The following CNTLN variants were observed in gnomAD, a reference collection of about 807,000 sequenced individuals.
The protein encoded by CNTLN is centlein, centrosomal protein.
Under a neutral mutation model 180.0 loss-of-function variants are expected in CNTLN, and 212 were observed. The ratio of observed to expected loss-of-function variants is 1.18; its 90% CI spans 1.05 to 1.32. CNTLN has a LOEUF of 1.32. Among genes scored for constraint, CNTLN ranks in the 40% most tolerant of loss-of-function variants. The pLI, the probability that CNTLN is intolerant of heterozygous loss-of-function variation, is 0.00. For synonymous variants in CNTLN, 722 were observed against 563.1 expected (o/e 1.28, Z -3.99); for missense variants, 2,095 against 1,610.9 (o/e 1.30, Z -5.14).
chr9:17,298,709 C>T (rs1397630818), intron 7 of CNTLN: 1 of 995,168 alleles, frequency 1.0e-6, no homozygotes, highest in Admixed American at 6.0e-5. Flanking sequence ...TCAAGTATGG[C>T]AGACTTTCAT....
chr9:17,146,961 TA>T (rs1462801574), intron 2 of CNTLN, among the ~76,000 whole-genome samples: 2 of 152,060 alleles, frequency 1.3e-5, no homozygotes, highest in African/African-American at 2.4e-5. Flanking sequence ...TGTTTTAAAT[TA>T]AAAAAAATTT....
intron 12 of CNTLN, among the ~76,000 whole-genome samples, chr9:17,354,453 A>G (rs1822648862): frequency 6.6e-6 from 1 of 152,056 alleles, no homozygotes; most frequent in Admixed American, 6.5e-5. Flanking sequence ...GATTGTAAAT[A>G]TACACCAATC....
At chr9:17,172,273 G>A (rs1820468645) in intron 2 of CNTLN, among the ~76,000 whole-genome samples, 1 of 152,144 alleles carries the variant, frequency 6.6e-6, no homozygotes. Flanking sequence ...AAGCTCCTTA[G>A]CAGTAATGGC....
chr9:17,193,528 C>A (rs909913496), intron 2 of CNTLN, among the ~76,000 whole-genome samples: 2 of 152,176 alleles, frequency 1.3e-5, no homozygotes, highest in African/African-American at 2.4e-5. Context: ...TGTCCTTTGA[C>A]TCCAGGTCTC....
chr9:17,332,581 C>G (rs1325396323), intron 9 of CNTLN, 24 bp from the exon 10 acceptor site: 1 of 1,591,376 alleles, frequency 6.3e-7, no homozygotes, highest in African/African-American at 1.4e-5. Context: ...ACTAGTTCAA[C>G]CATGTCCTTG....
chr9:17,361,979 C>A (rs906831273), intron 12 of CNTLN, among the ~76,000 whole-genome samples: 1 of 152,172 alleles, frequency 6.6e-6, no homozygotes, highest in East Asian at 1.9e-4. Flanking sequence ...AGTACCAGGG[C>A]TCTGCCTCTG....
chr9:17,420,743 G>A (rs1828654767), intron 18 of CNTLN, among the ~76,000 whole-genome samples: 2 of 151,802 alleles, frequency 1.3e-5, no homozygotes, highest in Admixed American at 1.3e-4. Flanking sequence ...ATAGGTCTTG[G>A]TATGTTGTGC....
chr9:17,312,926 T>G (rs1819306039), intron 8 of CNTLN, among the ~76,000 whole-genome samples: 2 of 152,186 alleles, frequency 1.3e-5, no homozygotes, highest in Admixed American at 1.3e-4. Flanking sequence ...AGTGTTAAAA[T>G]CTCTCACATA....
rs138999454 is a variant in CNTLN at position 17,158,282 on chromosome 9, C to T, written c.449+14906C>T. On this transcript the variant is annotated intron_variant, in intron 2 of 25. Coordinates refer to ENST00000380647, the MANE Select transcript of CNTLN (RefSeq NM_017738.4). ...GGTATATAATTTTTTTATATGTTCC[C>T]GAATTTGGCTTGCTGGTATGTTGCT... Among the ~76,000 whole-genome samples, 766 of 152,040 alleles carry T rather than the reference C, an allele frequency of 5.0e-3. 9 individuals carry two copies. Among genetic ancestry groups the T allele is most frequent in the African/African-American group, 0.01 (431 of 41,492 alleles).
intron 6 of CNTLN, among the ~76,000 whole-genome samples, chr9:17,296,016 G>C (rs1817900102): frequency 7.4e-6 from 1 of 134,872 alleles, no homozygotes; most frequent in Non-Finnish European, 1.5e-5. Context: ...GTGTGTGTGT[G>C]TGTGTGTGTG....
chr9:17,248,028 G>A lies in CNTLN; in HGVS notation c.849+11440G>A, dbSNP rs563030485. 3.3e-5 allele frequency among the ~76,000 whole-genome samples: 5 copies of A among 151,954 alleles called. No individual in the cohort carries two copies. The South Asian group carries it at 1.0e-3, about 32-fold the overall frequency. On this transcript the variant is annotated intron_variant, in intron 5 of 25. Transcript: ENST00000380647. ...TGTAGAGACAGGGTTTTGCCATGTT[G>A]CTTTGGCTGGTCTCGAACTCCTTAG... is the stretch of plus-strand genomic sequence containing the variant.
chr9:17,205,560 G>A (rs1822856669), intron 2 of CNTLN, among the ~76,000 whole-genome samples: 1 of 152,156 alleles, frequency 6.6e-6, no homozygotes, highest in African/African-American at 2.4e-5. Flanking sequence ...AAACACACCA[G>A]TTCTGATGAA....
At chr9:17,431,132 GTT>G (rs933629756) in intron 18 of CNTLN, among the ~76,000 whole-genome samples, 1 of 151,988 alleles carries the variant, frequency 6.6e-6, no homozygotes. Context: ...ACTCCATACT[GTT>G]TTCCATAGTG....
chr9:17,341,016 G>A (rs1396805063), intron 11 of CNTLN, 68 bp downstream of exon 11: 2 of 1,362,466 alleles, frequency 1.5e-6, no homozygotes, highest in Non-Finnish European at 1.9e-6. Flanking sequence ...TTATATAGGT[G>A]TCTTAATGGC....
chr9:17,254,486 G>A (rs770751258), intron 5 of CNTLN, among the ~76,000 whole-genome samples: 1 of 149,872 alleles, frequency 6.7e-6, no homozygotes, highest in Non-Finnish European at 1.5e-5. Flanking sequence ...TTGTGTGTAT[G>A]GTGTAAGGGT....
At chr9:17,436,990 C>T (rs766015632) in intron 18 of CNTLN, among the ~76,000 whole-genome samples, 17 of 152,300 alleles carry the variant, frequency 1.1e-4, no homozygotes, top group Non-Finnish European at 1.8e-4. Context: ...CCAGATGAAG[C>T]ACTTTTGATT....
chr9:17,217,371 T>C (rs1823830252), intron 2 of CNTLN, among the ~76,000 whole-genome samples: 1 of 152,252 alleles, frequency 6.6e-6, no homozygotes, highest in Non-Finnish European at 1.5e-5. Context: ...ATTATGCAGC[T>C]TGCATGTGTG....
chr9:17,229,675 A>C (rs72700165), intron 3 of CNTLN, among the ~76,000 whole-genome samples: 25 of 152,250 alleles, frequency 1.6e-4, no homozygotes, highest in Non-Finnish European at 4.4e-5. Context: ...CCATTAATTT[A>C]AATGTTAACC....
intron 19 of CNTLN, among the ~76,000 whole-genome samples, chr9:17,462,040 C>T (rs897473772): frequency 5.9e-5 from 9 of 151,748 alleles, no homozygotes; most frequent in African/African-American, 1.9e-4. Flanking sequence ...TTAATAACTT[C>T]AAGTAAAGAA....
Sources: gnomAD v4.1 joint callset for allele counts (sites outside exome capture counted in the v4.1 genomes callset) on GRCh38, gnomAD v4.1.1 for gene constraint, MANE v1.5 for transcripts, NCBI Gene and HGNC (gene_info 2026-07-23, HGNC 2026-07-21) for gene names.